The following TRAPPC10 variants were observed in gnomAD, a reference collection of about 807,000 sequenced individuals.
TRAPPC10 encodes the protein trafficking protein particle complex subunit 10.
TRAPPC10 carries 23 observed loss-of-function variants against 125.5 expected under a neutral mutation model. The ratio of observed to expected loss-of-function variants is 0.18; its 90% confidence interval spans 0.13 to 0.26. The LOEUF is 0.26. Among genes scored for constraint, TRAPPC10 ranks in the 10% least tolerant of loss-of-function variants. The pLI is 1.00. For synonymous variants in TRAPPC10, 509 were observed against 518.0 expected (o/e 0.98, Z 0.24); for missense variants, 1,123 against 1,308.4 (o/e 0.86, Z 2.19).
At chr21:44,031,227 A>G (rs957074128) in intron 1 of TRAPPC10, among the ~76,000 whole-genome samples, 2 of 152,220 alleles carry the variant, frequency 1.3e-5, no homozygotes, top group Non-Finnish European at 2.9e-5. Flanking sequence ...ATCAATTCCC[A>G]ATGATTTCTT....
rs766656453 is a variant in TRAPPC10 at position 44,082,859 on chromosome 21, G to A, written c.1795G>A (p.Val599Met). ...RDLHFDPSNA[V>M]VHVGGVLCVE... The stretch of plus-strand genomic sequence containing the variant: ...TCTCCATTTTGATCCCTCCAATGCC[G>A]TGGTCCACGTGGGCGGCGTTTTGTG... The change falls in exon 14 of 23, where the codon GTG (valine) becomes ATG (methionine). Residue 599 changes from valine to methionine, a missense_variant. Physicochemically the swap from Val to Met is conservative, Grantham distance 21 (BLOSUM62 1). Around this residue, in one of 4 missense-constraint regions of TRAPPC10, gnomAD observed 840 missense variants for 902.0 expected, o/e 0.93. Coordinates refer to ENST00000291574, the MANE Select transcript of TRAPPC10 (RefSeq NM_003274.5). The surrounding 1 kb of genome is among the most constrained non-coding windows in gnomAD (Gnocchi z 4.4). 1.9e-5 allele frequency: 30 copies of A among 1,613,928 alleles called. No homozygotes were observed. In the Admixed American group the frequency reaches 2.2e-4, roughly 12 times the overall value.
chr21:44,084,230 C>G lies in TRAPPC10; in HGVS notation c.2347C>G (p.Gln783Glu), dbSNP rs752722483. 1.9e-6 allele frequency: 3 copies of G among 1,613,880 alleles called. No individual in the cohort carries two copies. The African/African-American group carries it at 4.0e-5, about 22-fold the overall frequency. ...CATTGTGCAGTACGACGTGTACTCA[C>G]AGGAGCCCCAGCTGCACGTGGAGCC... ...YPIVQYDVYSQEPQLHVEPLA... is the reference protein window; with the variant it reads ...YPIVQYDVYSEEPQLHVEPLA... The change falls in exon 15 of 23, where the codon CAG becomes GAG. Residue 783 changes from glutamine to glutamate, a missense_variant. Around this residue, in one of 4 missense-constraint regions of TRAPPC10, gnomAD observed 840 missense variants for 902.0 expected, o/e 0.93. Transcript: ENST00000291574.
Position 44,059,278 on chromosome 21 carries a change from G to A in TRAPPC10, c.790+64G>A. ...TGTGGCTTTCTCCAACTTCAGATAG[G>A]CTTGAAGCAGCCATTTATTTACCTC... On this transcript the variant is annotated intron_variant, in intron 6 of 22. Coordinates refer to ENST00000291574, the MANE Select transcript of TRAPPC10 (RefSeq NM_003274.5). The surrounding 1 kb of genome is among the most constrained non-coding windows in gnomAD (Gnocchi z 4.4). 1 of 1,182,444 alleles carries A rather than the reference G, an allele frequency of 8.5e-7. No homozygotes were observed. Among genetic ancestry groups the A allele is most frequent in the Non-Finnish European group, 1.2e-6 (1 of 825,194 alleles). The allele number at this position is 1,182,444 out of a possible 1,614,324, so 73.2% of individuals were successfully genotyped here. A position where few individuals can be genotyped will look rare whatever the true frequency, so the allele number is the denominator to read the frequency against.
intron 7 of TRAPPC10, among the ~76,000 whole-genome samples, chr21:44,065,396 T>C (rs2036370436): frequency 1.3e-5 from 2 of 152,204 alleles, no homozygotes; most frequent in Admixed American, 6.5e-5. Flanking sequence ...TGGTGTATTT[T>C]CCGAGCCCTT....
At chr21:44,042,440 AT>A (rs1249873124) in intron 3 of TRAPPC10, among the ~76,000 whole-genome samples, 1 of 152,218 alleles carries the variant, frequency 6.6e-6, no homozygotes, top group African/African-American at 2.4e-5. Context: ...GATTAAAAAA[AT>A]TTTGTTTAGA....
chr21:44,053,736 CG>C (rs1415257188), intron 4 of TRAPPC10, among the ~76,000 whole-genome samples: 1 of 152,150 alleles, frequency 6.6e-6, no homozygotes, highest in Non-Finnish European at 1.5e-5. Context: ...AGGCTGCAGC[CG>C]GGAGCCCCTT....
chr21:44,063,625 G>A lies in TRAPPC10; in HGVS notation c.878G>A (p.Arg293Gln). 1.9e-6 allele frequency: 3 copies of A among 1,614,190 alleles called. No homozygotes were observed. Among genetic ancestry groups the A allele is most frequent in the East Asian group, 2.2e-5 (1 of 44,882 alleles). Reference protein sequence around the residue: ...ILRKPIDMEKRESIQRREATL... With the variant: ...ILRKPIDMEKQESIQRREATL... The stretch of plus-strand genomic sequence containing the variant: ...CGAAAACCCATAGATATGGAGAAGC[G>A]GGAATCGATCCAGAGGCGAGAAGCC... Residue 293 changes from arginine to glutamine, a missense_variant, in exon 7 of 23, where the codon CGG (arginine) becomes CAG (glutamine). Arg to Gln is a conservative substitution (Grantham distance 43, BLOSUM62 1). This residue lies in a region of TRAPPC10 where 91 missense variants were observed against 127.1 expected (regional missense o/e 0.72). Transcript: ENST00000291574. The surrounding 1 kb of genome is among the most constrained non-coding windows in gnomAD (Gnocchi z 4.4).
chr21:44,065,483 A>C (rs1034961900), intron 7 of TRAPPC10, among the ~76,000 whole-genome samples: 1 of 152,142 alleles, frequency 6.6e-6, no homozygotes, highest in Non-Finnish European at 1.5e-5. Flanking sequence ...AGTCATAGCT[A>C]TTGCACCTCT....
At chr21:44,077,584 C>T in intron 10 of TRAPPC10, 109 bp from the exon 11 acceptor site, 1 of 871,664 alleles carries the variant, frequency 1.1e-6, no homozygotes, top group Non-Finnish European at 1.8e-6. Flanking sequence ...GACTCTGTCT[C>T]AAAACAAAAA....
At chr21:44,061,908 T>TATAACCTATGCC (rs1214209443) in intron 6 of TRAPPC10, among the ~76,000 whole-genome samples, 1 of 152,220 alleles carries the variant, frequency 6.6e-6, no homozygotes, top group African/African-American at 2.4e-5. Context: ...CTGAGGGCAT[T>TATAACCTATGCC]TGTTAGCCTC....
At chr21:44,024,065 C>T (rs1004384184) in intron 1 of TRAPPC10, among the ~76,000 whole-genome samples, 7 of 152,164 alleles carry the variant, frequency 4.6e-5, no homozygotes, top group East Asian at 1.9e-4. Flanking sequence ...GGATTACAGG[C>T]GTGAGCCACC....
At chr21:44,083,651 C>T (rs1158457360) in intron 14 of TRAPPC10, among the ~76,000 whole-genome samples, 1 of 152,170 alleles carries the variant, frequency 6.6e-6, no homozygotes, top group Admixed American at 6.5e-5. Context: ...GGTACACTTT[C>T]CCACTCAAAC....
Position 44,032,087 on chromosome 21 carries a change from A to G in TRAPPC10, c.68-4A>G. ...GTAACTGAATTTCTTTCTTCCCTTC[A>G]TAGGTGCTGGAGATCAGAATTTATT... On this transcript the variant is annotated splice_polypyrimidine_tract_variant and splice_region_variant and intron_variant, in intron 1 of 22. Transcript: ENST00000291574. 1.2e-6 allele frequency: 2 copies of G among 1,611,478 alleles called. No homozygotes were observed. The highest frequency in any genetic ancestry group is 2.2e-5 in the South Asian group (2 of 90,488).
intron 1 of TRAPPC10, among the ~76,000 whole-genome samples, chr21:44,021,979 GAA>G (rs2032549749): frequency 6.6e-6 from 1 of 151,078 alleles, no homozygotes; most frequent in African/African-American, 2.4e-5. Flanking sequence ...TTTTCAGAGA[GAA>G]AACAAAAAAC....
At chr21:44,022,561 A>G (rs1471735650) in intron 1 of TRAPPC10, among the ~76,000 whole-genome samples, 1 of 141,146 alleles carries the variant, frequency 7.1e-6, no homozygotes, top group Non-Finnish European at 1.5e-5. Flanking sequence ...TGATCCGCCC[A>G]CCTTTGCCTC....
chr21:44,033,584 G>T (rs974003607), intron 2 of TRAPPC10, among the ~76,000 whole-genome samples: 4 of 152,188 alleles, frequency 2.6e-5, no homozygotes, highest in African/African-American at 9.7e-5. Flanking sequence ...ATGTAGGCCC[G>T]GCATGGTGGC....
chr21:44,016,669 T>A (rs978165833), intron 1 of TRAPPC10, among the ~76,000 whole-genome samples: 35 of 152,336 alleles, frequency 2.3e-4, no homozygotes, highest in African/African-American at 7.0e-4. Context: ...TTTTAATTTT[T>A]ATTTTTTGAG....
chr21:44,071,465 G>A (rs2036862208), intron 7 of TRAPPC10, among the ~76,000 whole-genome samples: 1 of 152,192 alleles, frequency 6.6e-6, no homozygotes, highest in Non-Finnish European at 1.5e-5. Flanking sequence ...ATGTCTTACT[G>A]TGGAAGGTCT....
chr21:44,033,323 A>G (rs555329950), intron 2 of TRAPPC10, among the ~76,000 whole-genome samples: 71 of 152,292 alleles, frequency 4.7e-4, no homozygotes, highest in Admixed American at 9.8e-4. Flanking sequence ...TACCCAGGTG[A>G]ATATAGTCTA....
Sources: gnomAD v4.1 joint callset for allele counts (sites outside exome capture counted in the v4.1 genomes callset) on GRCh38, gnomAD v4.1.1 for gene constraint, gnomAD v4.1.1 regional missense constraint, Gnocchi (gnomAD v3.1) non-coding constraint, MANE v1.5 for transcripts, NCBI Gene and HGNC (gene_info 2026-07-23, HGNC 2026-07-21) for gene names.